Variants in TRIM14 observed in about 807,000 individuals in gnomAD.
TRIM14 encodes the protein tripartite motif containing 14.
In TRIM14, 28 loss-of-function variants were observed where a neutral mutation model predicts 44.5. That is an observed-to-expected ratio of 0.63 (90% confidence interval 0.47 to 0.86). TRIM14 has a LOEUF of 0.86. TRIM14 is among the 40% of genes least tolerant of loss of function. The probability of loss-of-function intolerance (pLI) is 0.00; values close to 1 mark genes in which losing one functional copy is unlikely to be tolerated. For missense variants in TRIM14, 607 were observed against 611.1 expected, an observed-to-expected ratio of 0.99 and a Z score of 0.07; for synonymous variants, 299 against 269.2, an observed-to-expected ratio of 1.11 and a Z score of -1.08.
chr9:98,103,211 CA>C (rs1416732879), intron 2 of TRIM14, among the ~76,000 whole-genome samples: 1 of 149,520 alleles, frequency 6.7e-6, no homozygotes, highest in African/African-American at 2.5e-5. Context: ...CAACAAAAAA[CA>C]ATGCAGTAGA....
intron 6 of TRIM14, among the ~76,000 whole-genome samples, chr9:98,071,059 A>G (rs1308940942): frequency 2.6e-5 from 4 of 151,950 alleles, no homozygotes; most frequent in African/African-American, 9.7e-5. Flanking sequence ...ACAGTCTCCC[A>G]CCTCGGCCTC....
At chr9:98,040,268 T>A in the TRIM14 span, among the ~76,000 whole-genome samples, 1 of 152,292 alleles carries the variant, frequency 6.6e-6, no homozygotes, top group African/African-American at 2.4e-5. Flanking sequence ...CTGAGCTTTT[T>A]CAAGAAAGGG....
downstream of TRIM14, chr9:98,080,921 C>T (rs878852982): frequency 9.9e-6 from 16 of 1,614,170 alleles, no homozygotes; most frequent in East Asian, 2.2e-5. Context: ...GGTGTTGGAA[C>T]GTCACATAAC....
chr9:98,080,433 A>G (rs1267952107), downstream of TRIM14, among the ~76,000 whole-genome samples: 1 of 152,248 alleles, frequency 6.6e-6, no homozygotes, highest in Non-Finnish European at 1.5e-5. Flanking sequence ...ATTTGTGCAT[A>G]TAGCACACTT....
the TRIM14 span, among the ~76,000 whole-genome samples, chr9:98,050,656 A>G: frequency 6.6e-6 from 1 of 152,040 alleles, no homozygotes; most frequent in African/African-American, 2.4e-5. Flanking sequence ...CCCTTAGGTG[A>G]GAGTTCTTAC....
intron 4 of TRIM14, among the ~76,000 whole-genome samples, chr9:98,094,386 G>A (rs1826107685): frequency 6.6e-6 from 1 of 152,128 alleles, no homozygotes; most frequent in South Asian, 2.1e-4. Flanking sequence ...TCCACTTCAT[G>A]AGCACCCTCT....
rs1364788103 is a variant in TRIM14, at chr9:98,087,633, T to G, written c.1166A>C (p.Asp389Ala). ...RSRLRPRDDL[D>A]RLGVFLDYEA... The stretch of plus-strand genomic sequence containing the variant: ...GTAGTCCAGGAAGACGCCGAGCCGG[T>G]CGAGGTCGTCGCGGGGCCGCAGGCG... The change falls in exon 6 of 6, where the codon GAC becomes GCC. Residue 389 changes from aspartate to alanine, a missense_variant. Physicochemically the swap from Asp to Ala is moderately radical, Grantham distance 126. This residue lies in a region of TRIM14 where 356 missense variants were observed against 323.0 expected (regional missense o/e 1.10). Coordinates refer to ENST00000341469, the MANE Select transcript of TRIM14 (RefSeq NM_014788.4). The G allele has an allele frequency of 6.2e-7, 1 of 1,604,890 alleles. No homozygotes were observed. The highest frequency in any genetic ancestry group is 8.5e-7 in the Non-Finnish European group (1 of 1,178,518).
At chr9:98,055,570 A>T in the TRIM14 span, among the ~76,000 whole-genome samples, 1 of 152,228 alleles carries the variant, frequency 6.6e-6, no homozygotes, top group East Asian at 1.9e-4. Context: ...TAGTGATGTT[A>T]TCCCCAGGAG....
At chr9:98,077,078 C>A in intron 6 of TRIM14, 1 of 1,252,012 alleles carries the variant, frequency 8.0e-7, no homozygotes, top group South Asian at 1.4e-5. Context: ...TTTTTACTCC[C>A]CTCATGGTGG....
At position 98,087,435 on chromosome 9, in the gene TRIM14, G is replaced by A. The variant is rs1386338868; in HGVS notation, c.*35C>T. ...AGATTAGGCGAGACTGGGCAGCTGC[G>A]GCGTACCTGGAGGCTGTCACGCCGG... On this transcript the variant is annotated 3_prime_UTR_variant, in exon 6 of 6. Transcript: ENST00000341469. The A allele has an allele frequency of 6.2e-7, 1 of 1,607,410 alleles. No individual in the cohort carries two copies.
At chr9:98,036,208 A>AAAAAAG in the TRIM14 span, among the ~76,000 whole-genome samples, 5 of 151,778 alleles carry the variant, frequency 3.3e-5, no homozygotes, top group South Asian at 2.1e-4. Context: ...AAAAAACAGA[A>AAAAAAG]AAAAAGAAAA....
At chr9:98,107,461 A>T (rs927494226) in intron 2 of TRIM14, among the ~76,000 whole-genome samples, 2 of 152,230 alleles carry the variant, frequency 1.3e-5, no homozygotes, top group Admixed American at 1.3e-4. Context: ...ATTACTACTC[A>T]GCAATACATG....
the TRIM14 span, chr9:98,060,636 A>T: frequency 2.6e-6 from 2 of 760,450 alleles, no homozygotes; most frequent in Non-Finnish European, 4.3e-6. Flanking sequence ...CACCTTCTGC[A>T]CTCCAGCCTG....
chr9:98,078,492 G>C (rs1364030512), intron 6 of TRIM14: 2 of 1,147,282 alleles, frequency 1.7e-6, no homozygotes, highest in East Asian at 2.5e-5. Flanking sequence ...AATCAAATTC[G>C]AGCTAAGCAG....
intron 6 of TRIM14, among the ~76,000 whole-genome samples, chr9:98,070,884 T>C (rs1328963466): frequency 6.6e-6 from 1 of 150,414 alleles, no homozygotes; most frequent in Non-Finnish European, 1.5e-5. Context: ...AGCTCATAGC[T>C]CACCGCAGCC....
the TRIM14 span, among the ~76,000 whole-genome samples, chr9:98,054,828 C>G: frequency 6.6e-6 from 1 of 152,140 alleles, no homozygotes; most frequent in Non-Finnish European, 1.5e-5. Flanking sequence ...AGAGCAATCC[C>G]GAATGAGCCC....
At chr9:98,050,432 G>A in the TRIM14 span, among the ~76,000 whole-genome samples, 1 of 152,158 alleles carries the variant, frequency 6.6e-6, no homozygotes, top group Non-Finnish European at 1.5e-5. Context: ...ACTGAGTAGA[G>A]GGTACCTCCT....
At chr9:98,037,237 G>A in the TRIM14 span, among the ~76,000 whole-genome samples, 1 of 152,166 alleles carries the variant, frequency 6.6e-6, no homozygotes, top group African/African-American at 2.4e-5. Flanking sequence ...AATAAGCTGG[G>A]TGTGGTGGCA....
intron 1 of TRIM14, among the ~76,000 whole-genome samples, chr9:98,112,606 C>G (rs1826891198): frequency 1.3e-5 from 2 of 151,848 alleles, no homozygotes; most frequent in Non-Finnish European, 2.9e-5. Context: ...TGAGACCAGC[C>G]TGACCAACAT....
Sources: gnomAD v4.1 joint callset for allele counts (sites outside exome capture counted in the v4.1 genomes callset) on GRCh38, gnomAD v4.1.1 for gene constraint, gnomAD v4.1.1 regional missense constraint, MANE v1.5 for transcripts, NCBI Gene and HGNC (gene_info 2026-07-23, HGNC 2026-07-21) for gene names.